Variants in ACOT7 observed in about 807,000 individuals in gnomAD.
ACOT7 encodes the protein acyl-CoA thioesterase 7, also known as cytosolic acyl coenzyme A thioester hydrolase.
A neutral mutation model predicts 40.2 loss-of-function variants in ACOT7; 12 were observed. The ratio of observed to expected loss-of-function variants is 0.30; its 90% CI spans 0.19 to 0.48. The LOEUF is 0.48. Ranked by LOEUF, ACOT7 falls within the 20% of genes least tolerant of loss-of-function variation. The pLI is 0.99. For synonymous variants in ACOT7, 228 were observed against 219.5 expected, an observed-to-expected ratio of 1.04 and a Z score of -0.34; for missense variants, 395 against 530.8, an observed-to-expected ratio of 0.74 and a Z score of 2.51.
At chr1:6,279,537 A>T (rs1258136214) in intron 8 of ACOT7, among the ~76,000 whole-genome samples, 2 of 152,220 alleles carry the variant, frequency 1.3e-5, no homozygotes, top group East Asian at 1.9e-4. Context: ...CACGAGAGTC[A>T]TGCAAGGGTG....
At chr1:6,319,910 T>C in intron 5 of ACOT7, among the ~76,000 whole-genome samples, 1 of 152,218 alleles carries the variant, frequency 6.6e-6, no homozygotes, top group East Asian at 1.9e-4. Flanking sequence ...GGCCAGGGGC[T>C]TGGCCCTGGG....
Position 6,352,715 on chromosome 1 carries a change from T to C in ACOT7, c.144-2849A>G, listed in dbSNP as rs557231221. ...CTCCTGCCTCAGCCTCCCGAGTAGCTGGCACTACAGGCGCCCGCCACCACG... is the reference window on the plus strand; with the variant it reads ...CTCCTGCCTCAGCCTCCCGAGTAGCCGGCACTACAGGCGCCCGCCACCACG... On this transcript the variant is annotated intron_variant, in intron 1 of 8. Coordinates refer to ENST00000361521, the MANE Select transcript of ACOT7 (RefSeq NM_007274.4). The surrounding 1 kb of genome is among the most constrained non-coding windows in gnomAD (Gnocchi z 4.5). Among the ~76,000 whole-genome samples the C allele has an allele frequency of 6.7e-6, 1 of 149,900 alleles. No individual in the cohort carries two copies. The highest frequency in any genetic ancestry group is 6.7e-5 in the Admixed American group (1 of 14,992).
chr1:6,294,964 G>C lies in ACOT7; in HGVS notation c.729C>G (p.Leu243=). The C allele has an allele frequency of 6.2e-7, 1 of 1,613,754 alleles. No homozygotes were observed. The highest frequency in any genetic ancestry group is 8.5e-7 in the Non-Finnish European group (1 of 1,179,758). ...CCACGATCCCGGCGACCTCATCCAT[G>C]AGCTTCATGGTCACACCTGCGGAGA... ...GFVHGGVTMK[L]MDEVAGIVAA... The change falls in exon 7 of 9, where the codon CTC becomes CTG. Residue 243 remains leucine, a synonymous_variant. Coordinates refer to ENST00000361521, the MANE Select transcript of ACOT7 (RefSeq NM_007274.4). This position sits in a 1 kb window ranked among gnomAD's most constrained non-coding sequence, Gnocchi z 4.6.
intron 1 of ACOT7, among the ~76,000 whole-genome samples, chr1:6,377,074 T>C (rs1642246536): frequency 6.6e-6 from 1 of 152,142 alleles, no homozygotes. Flanking sequence ...CCCAAAGTAC[T>C]GACAACATCA....
intron 6 of ACOT7, among the ~76,000 whole-genome samples, chr1:6,297,861 C>G (rs932785062): frequency 6.6e-6 from 1 of 152,034 alleles, no homozygotes; most frequent in African/African-American, 2.4e-5. Context: ...GACGAATACC[C>G]AGGGGCTTGG....
intron 1 of ACOT7, among the ~76,000 whole-genome samples, chr1:6,367,350 A>G (rs72633442): frequency 0.076 from 11,556 of 152,086 alleles, 486 homozygotes; most frequent in Non-Finnish European, 0.091. Context: ...ACCTTTGCCT[A>G]AGTTTTGCTG....
chr1:6,349,730 AT>A lies in ACOT7; in HGVS notation c.261+18del, dbSNP rs754957438. The stretch of plus-strand genomic sequence containing the variant: ...GGTGCGGCCTCCAGGGCCCAGAGGT[AT>A]GGGGCCCAGACCCTTACCCCGTTCT... On this transcript the variant is annotated intron_variant, in intron 2 of 8. Transcript: ENST00000361521. 2 of 1,606,656 alleles carry A rather than the reference AT, an allele frequency of 1.2e-6. No individual in the cohort carries two copies. The highest frequency in any genetic ancestry group is 1.7e-6 in the Non-Finnish European group (2 of 1,175,962).
rs2235690 is a variant in ACOT7, at chr1:6,358,413, C to G, written c.144-8547G>C. 6.6e-6 allele frequency among the ~76,000 whole-genome samples: 1 copy of G among 152,220 alleles called. No individual in the cohort carries two copies. The highest frequency in any genetic ancestry group is 2.4e-5 in the African/African-American group (1 of 41,488). ...CCCAGGAGGCTCCTTGTGCAGCCCACAGACCCCCCCTCCACCGCAGGTAGG... is the reference window on the plus strand; with the variant it reads ...CCCAGGAGGCTCCTTGTGCAGCCCAGAGACCCCCCCTCCACCGCAGGTAGG... On this transcript the variant is annotated intron_variant, in intron 1 of 8. Coordinates refer to ENST00000361521, the MANE Select transcript of ACOT7 (RefSeq NM_007274.4). This position sits in a 1 kb window ranked among gnomAD's most constrained non-coding sequence, Gnocchi z 4.1.
chr1:6,269,475 C>T (rs1160239913), intron 8 of ACOT7, among the ~76,000 whole-genome samples: 2 of 152,234 alleles, frequency 1.3e-5, no homozygotes, highest in African/African-American at 2.4e-5. Flanking sequence ...GGCCACCAGG[C>T]CATCGAGCAT....
At chr1:6,296,085 G>A (rs1402232544) in intron 6 of ACOT7, among the ~76,000 whole-genome samples, 1 of 152,006 alleles carries the variant, frequency 6.6e-6, no homozygotes, top group Non-Finnish European at 1.5e-5. Flanking sequence ...TGTTGTAGAT[G>A]GGGTCTTGCT....
At chr1:6,333,592 A>G in intron 3 of ACOT7, 24 bp from the exon 4 acceptor site, 19 of 1,612,598 alleles carry the variant, frequency 1.2e-5, no homozygotes, top group Non-Finnish European at 1.6e-5. Context: ...AATCACATTA[A>G]GTGACGCCCG....
intron 1 of ACOT7, among the ~76,000 whole-genome samples, chr1:6,391,442 G>A (rs1642530773): frequency 1.3e-5 from 2 of 152,214 alleles, no homozygotes; most frequent in Admixed American, 1.3e-4. Flanking sequence ...GGAGGCAGGG[G>A]TTGCAGTGAG....
intron 6 of ACOT7, among the ~76,000 whole-genome samples, chr1:6,313,350 G>T (rs967349526): frequency 1.3e-5 from 2 of 152,152 alleles, no homozygotes; most frequent in Non-Finnish European, 2.9e-5. Context: ...GAAAGTGGAG[G>T]GAAAATCTAC....
At position 6,301,455 on chromosome 1, in the gene ACOT7, C is replaced by T. The variant is rs905620143; in HGVS notation, c.713-6475G>A. On this transcript the variant is annotated intron_variant, in intron 6 of 8. Transcript: ENST00000361521. This position sits in a 1 kb window ranked among gnomAD's most constrained non-coding sequence, Gnocchi z 4.1. ...TATTGAGTGCCTGGTGTGCGAATAC[C>T]CTCTTCACCACCCCCATGCTCCTGC... is the stretch of plus-strand genomic sequence containing the variant. Among the ~76,000 whole-genome samples, 1 of 152,118 alleles carries T rather than the reference C, an allele frequency of 6.6e-6. No homozygotes were observed. The highest frequency in any genetic ancestry group is 6.6e-5 in the Admixed American group (1 of 15,264).
rs1269817830 is a variant in ACOT7 at position 6,264,645 on chromosome 1, G to A, written c.1065C>T (p.Tyr355=). 4 of 1,613,454 alleles carry A rather than the reference G, an allele frequency of 2.5e-6. 1 individual carries two copies. The South Asian group carries it at 4.4e-5, about 18-fold the overall frequency. ...KKRFEEGKGR[Y]LQMKAKRQGH... ...CCTGTCGCTTCGCCTTCATCTGCAG[G>A]TACCGCCCTTTGCCTTCCTCAAAGC... Residue 355 remains tyrosine (Y), a synonymous_variant, in exon 9 of 9, where the codon TAC becomes TAT. Coordinates refer to ENST00000361521, the MANE Select transcript of ACOT7 (RefSeq NM_007274.4).
chr1:6,268,980 G>A (rs1638939195), intron 8 of ACOT7, among the ~76,000 whole-genome samples: 1 of 152,180 alleles, frequency 6.6e-6, no homozygotes, highest in Non-Finnish European at 1.5e-5. Flanking sequence ...GCCCCCACAT[G>A]GGCTGTGCAC....
intron 1 of ACOT7, among the ~76,000 whole-genome samples, chr1:6,356,512 T>A (rs1641748212): frequency 6.6e-6 from 1 of 152,112 alleles, no homozygotes; most frequent in Non-Finnish European, 1.5e-5. Context: ...GACAGGCCCC[T>A]GTGCGGTGAC....
chr1:6,305,288 G>A (rs1255115216), intron 6 of ACOT7, among the ~76,000 whole-genome samples: 5 of 125,170 alleles, frequency 4.0e-5, no homozygotes, highest in Admixed American at 7.7e-5. Context: ...GCGGCTGTCC[G>A]GGCAGAGGGG....
intron 1 of ACOT7, among the ~76,000 whole-genome samples, chr1:6,377,712 C>T (rs555073546): frequency 2.0e-5 from 3 of 152,236 alleles, no homozygotes; most frequent in East Asian, 1.9e-4. Flanking sequence ...TAAATACAAG[C>T]GACACCTGAG....
Sources: allele counts gnomAD v4.1 joint callset (sites outside exome capture counted in the v4.1 genomes callset), GRCh38; gene constraint gnomAD v4.1.1; non-coding constraint Gnocchi (gnomAD v3.1); transcripts MANE v1.5; gene names NCBI Gene and HGNC (gene_info 2026-07-23, HGNC 2026-07-21).